Variants in CCDC171 observed in about 807,000 individuals in gnomAD.
CCDC171 encodes coiled-coil domain-containing protein 171.
In CCDC171, 177 loss-of-function variants were observed where a neutral mutation model predicts 168.2. The observed-to-expected ratio is 1.05, with a 90% CI of 0.93 to 1.19. The LOEUF (loss-of-function observed/expected upper bound fraction) is 1.19. Among genes scored for constraint, CCDC171 ranks in the 50% most tolerant of loss-of-function variants. The pLI is 0.00. For missense variants in CCDC171, 1,991 were observed against 1,539.0 expected (o/e 1.29, Z -4.91); for synonymous variants, 687 against 540.8 (o/e 1.27, Z -3.75).
chr9:16,103,335 C>T, the CCDC171 span, among the ~76,000 whole-genome samples: 64,453 of 151,972 alleles, frequency 0.42, 14,766 homozygotes, highest in African/African-American at 0.58. Context: ...TGGGTTCCTT[C>T]CCCACCTCTG....
chr9:15,731,938 G>T (rs1388304620), intron 16 of CCDC171, among the ~76,000 whole-genome samples: 2 of 151,866 alleles, frequency 1.3e-5, no homozygotes, highest in African/African-American at 4.8e-5. Context: ...CATTTTTTTG[G>T]TAATTCATGA....
intron 25 of CCDC171, among the ~76,000 whole-genome samples, chr9:15,956,212 T>G (rs978106417): frequency 3.9e-5 from 6 of 152,202 alleles, no homozygotes; most frequent in Non-Finnish European, 8.8e-5. Flanking sequence ...TTGGAGCATC[T>G]TCTCACATTC....
At chr9:16,089,971 G>A in the CCDC171 span, among the ~76,000 whole-genome samples, 2 of 152,170 alleles carry the variant, frequency 1.3e-5, no homozygotes, top group Non-Finnish European at 2.9e-5. Flanking sequence ...CACTGTTGAT[G>A]GGTGTGTAAA....
intron 21 of CCDC171, among the ~76,000 whole-genome samples, chr9:15,831,210 G>T (rs973996366): frequency 6.6e-6 from 1 of 151,906 alleles, no homozygotes; most frequent in Non-Finnish European, 1.5e-5. Context: ...CTAACCTTGT[G>T]ATCCGGCTGC....
chr9:15,632,424 G>T (rs2045798609), intron 7 of CCDC171, among the ~76,000 whole-genome samples: 1 of 151,918 alleles, frequency 6.6e-6, no homozygotes, highest in South Asian at 2.1e-4. Flanking sequence ...ATTCACAATT[G>T]CTTCAAAGAG....
chr9:15,797,724 G>C (rs922694109), intron 21 of CCDC171, among the ~76,000 whole-genome samples: 5 of 151,846 alleles, frequency 3.3e-5, no homozygotes, highest in African/African-American at 7.3e-5. Flanking sequence ...TGTTGTAGTT[G>C]ATCCTTTTTA....
chr9:16,005,558 T>A (rs1832672071), intron 3 of CCDC171, among the ~76,000 whole-genome samples: 1 of 152,126 alleles, frequency 6.6e-6, no homozygotes, highest in Admixed American at 6.5e-5. Context: ...CAACCATGGA[T>A]CACAGATTGA....
chr9:15,579,415 A>G (rs549449149), intron 4 of CCDC171, among the ~76,000 whole-genome samples: 2 of 151,732 alleles, frequency 1.3e-5, no homozygotes, highest in African/African-American at 2.4e-5. Context: ...TTCAAGAAGC[A>G]CTGCCTCTTT....
intron 4 of CCDC171, among the ~76,000 whole-genome samples, chr9:15,591,154 C>T (rs904631962): frequency 1.3e-5 from 2 of 151,890 alleles, no homozygotes; most frequent in African/African-American, 2.4e-5. Context: ...AAGAAGAGAT[C>T]GAAAATTATA....
At chr9:15,937,949 G>T (rs1415027450) in intron 25 of CCDC171, among the ~76,000 whole-genome samples, 1 of 151,784 alleles carries the variant, frequency 6.6e-6, no homozygotes, top group East Asian at 1.9e-4. Flanking sequence ...GAGATGGGTT[G>T]GTAATATAGT....
chr9:15,951,314 A>C (rs1829136378), intron 25 of CCDC171, among the ~76,000 whole-genome samples: 1 of 151,748 alleles, frequency 6.6e-6, no homozygotes, highest in South Asian at 2.1e-4. Context: ...AAATCAACAG[A>C]ATATACATTT....
In CCDC171 at chr9:15,751,885, C is replaced by T. The variant is rs540269256; in HGVS notation, c.2671+6254C>T. On this transcript the variant is annotated intron_variant, in intron 18 of 25. Transcript: ENST00000380701. ...ATGACTATAACACCAAAAGCAATGG[C>T]AACAAAAGCTAAAATAGACAAATGG... Among the ~76,000 whole-genome samples, 6 of 152,236 alleles carry T rather than the reference C, an allele frequency of 3.9e-5. No homozygotes were observed. In the East Asian group the frequency reaches 9.7e-4, roughly 24 times the overall value.
At chr9:15,629,765 G>A (rs1316025807) in intron 7 of CCDC171, among the ~76,000 whole-genome samples, 1 of 152,120 alleles carries the variant, frequency 6.6e-6, no homozygotes, top group African/African-American at 2.4e-5. Context: ...AAATGTTAAG[G>A]GCAGCCAGAG....
chr9:16,076,456 C>T, the CCDC171 span, among the ~76,000 whole-genome samples: 18 of 152,254 alleles, frequency 1.2e-4, no homozygotes, highest in Admixed American at 1.1e-3. Context: ...GGGAGGGAGC[C>T]GGAAGCCCAG....
chr9:16,066,985 G>C, the CCDC171 span, among the ~76,000 whole-genome samples: 1 of 151,688 alleles, frequency 6.6e-6, no homozygotes, highest in Non-Finnish European at 1.5e-5. Context: ...CCAGTAATGG[G>C]ATGGCTGGGT....
intron 1 of CCDC171, among the ~76,000 whole-genome samples, chr9:16,050,476 T>C (rs1833733168): frequency 6.6e-6 from 1 of 152,152 alleles, no homozygotes; most frequent in Admixed American, 6.5e-5. Context: ...ACAAGAACTC[T>C]CTCCTGGCAA....
chr9:15,570,008 TTGCCCAGGGTGGAGTTCAAAG>T (rs1409943327), intron 2 of CCDC171, among the ~76,000 whole-genome samples: 2 of 152,130 alleles, frequency 1.3e-5, no homozygotes, highest in Non-Finnish European at 2.9e-5. Flanking sequence ...TTTGCTCTTG[TTGCCCAGGGTGGAGTTCAAAG>T]GTGTGATCTC....
At position 15,601,561 on chromosome 9, in the gene CCDC171, C is replaced by G. The variant is rs34582639; in HGVS notation, c.675+7389C>G. The stretch of plus-strand genomic sequence containing the variant: ...TCTAAGTACTTACTGAGTTACTGCT[C>G]TGGATACTGAGGCTGTAAAACTGAT... On this transcript the variant is annotated intron_variant, in intron 6 of 25. Coordinates refer to ENST00000380701, the MANE Select transcript of CCDC171 (RefSeq NM_173550.4). 1.8e-3 allele frequency among the ~76,000 whole-genome samples: 279 copies of G among 152,294 alleles called. 4 individuals carry two copies. Among genetic ancestry groups the G allele is most frequent in the Admixed American group, 0.017 (256 of 15,296 alleles).
At chr9:15,951,350 C>T (rs952188518) in intron 25 of CCDC171, among the ~76,000 whole-genome samples, 6 of 152,044 alleles carry the variant, frequency 3.9e-5, no homozygotes, top group Non-Finnish European at 8.8e-5. Context: ...CACACCTATT[C>T]CAAAATTGAC....
Sources: gnomAD v4.1 joint callset for allele counts (sites outside exome capture counted in the v4.1 genomes callset) on GRCh38, gnomAD v4.1.1 for gene constraint, MANE v1.5 for transcripts, NCBI Gene and HGNC (gene_info 2026-07-23, HGNC 2026-07-21) for gene names.